Variants in G6PD observed in about 807,000 individuals in gnomAD.
G6PD encodes glucose-6-phosphate 1-dehydrogenase.
In G6PD, 2 loss-of-function variants were observed where a neutral mutation model predicts 38.2. The observed-to-expected ratio is 0.05, with a 90% CI of 0.02 to 0.16. The LOEUF (loss-of-function observed/expected upper bound fraction) is 0.16. G6PD is among the 10% of genes least tolerant of loss of function. The pLI, the probability that G6PD is intolerant of heterozygous loss-of-function variation, is 1.00. For synonymous variants in G6PD, 188 were observed against 196.0 expected (o/e 0.96, Z 0.34); for missense variants, 310 against 471.6 (o/e 0.66, Z 3.17).
At chrX:154,544,308 C>T (rs1261662033) in intron 2 of G6PD, among the ~76,000 whole-genome samples, 8 of 110,544 alleles carry the variant, frequency 7.2e-5, no homozygotes, top group Non-Finnish European at 1.1e-4. Flanking sequence ...ACTACAGGCA[C>T]GCACCACCAC....
At position 154,546,023 on chromosome X, in the gene G6PD, G is replaced by C. The variant is rs782306137; in HGVS notation, c.120+13C>G. ...TTCCTGGCTTTTAAGATTGGGGCCT[G>C]GGAGATACTCACCGATGCACCCATG... On this transcript the variant is annotated intron_variant, in intron 2 of 12. Transcript: ENST00000393562. 8.3e-7 allele frequency: 1 copy of C among 1,207,528 alleles called. No homozygotes were observed. The highest frequency in any genetic ancestry group is 1.1e-6 in the Non-Finnish European group (1 of 894,328).
At position 154,535,218 on chromosome X, in the gene G6PD, G is replaced by A. The variant is rs1451145498; in HGVS notation, c.435C>T (p.Thr145=). The A allele has an allele frequency of 3.5e-5, 42 of 1,210,085 alleles. No individual in the cohort carries two copies. Among genetic ancestry groups the A allele is most frequent in the Non-Finnish European group, 3.7e-5 (33 of 895,190 alleles). The change falls in exon 5 of 13, where the codon ACC becomes ACT. Residue 145 remains threonine (T), a synonymous_variant. Coordinates refer to ENST00000393562, the MANE Select transcript of G6PD (RefSeq NM_001360016.2). ...NRLFYLALPP[T]VYEAVTKNIH... ...TGTTCTTGGTGACGGCCTCGTAGAC[G>A]GTCGGGGGCAAGGCCAGGTAGAAGA...
intron 2 of G6PD, among the ~76,000 whole-genome samples, chrX:154,538,846 G>C (rs1260316268): frequency 9.2e-6 from 1 of 109,135 alleles, no homozygotes; most frequent in Non-Finnish European, 1.9e-5. Context: ...AGAATCGCTT[G>C]AACCAGGAGG....
At chrX:154,546,909 G>T (rs1603415701), upstream of G6PD, 5 of 804,070 alleles carry the variant, frequency 6.2e-6, no homozygotes, top group Non-Finnish European at 8.1e-6. Flanking sequence ...TGGGCTGAGC[G>T]GACCCGCCTC....
chrX:154,534,783 TA>T (rs1441515311), intron 5 of G6PD, among the ~76,000 whole-genome samples: 9 of 111,469 alleles, frequency 8.1e-5, no homozygotes, highest in African/African-American at 2.9e-4. Flanking sequence ...TGAAGGCCTG[TA>T]GGGGAGCAGG....
At chrX:154,534,686 T>A (rs1002298657) in intron 5 of G6PD, among the ~76,000 whole-genome samples, 190 bp from the exon 6 acceptor site, 7 of 110,758 alleles carry the variant, frequency 6.3e-5, no homozygotes, top group Non-Finnish European at 1.1e-4. Flanking sequence ...CTTCCCACCC[T>A]GGGTGCCAGG....
intron 2 of G6PD, among the ~76,000 whole-genome samples, chrX:154,545,378 G>C (rs1335068117): frequency 5.4e-5 from 6 of 111,980 alleles, no homozygotes; most frequent in African/African-American, 1.9e-4. Flanking sequence ...TCAGGCCTCA[G>C]ATCCTGCCTT....
At position 154,536,066 on chromosome X, in the gene G6PD, T is replaced by C. The variant is rs199710043; in HGVS notation, c.159-21A>G. The C allele has an allele frequency of 3.3e-6, 4 of 1,202,551 alleles. No homozygotes were observed. The African/African-American group carries it at 7.0e-5, about 21-fold the overall frequency. The stretch of plus-strand genomic sequence containing the variant: ...GCCACCTGAGGGCAGGGCACAGCTG[T>C]AACCAGTGCGGGCAGGGCAGGACCA... On this transcript the variant is annotated intron_variant, in intron 3 of 12. Transcript: ENST00000393562.
intron 2 of G6PD, among the ~76,000 whole-genome samples, chrX:154,538,759 T>G (rs782356348): frequency 3.6e-5 from 4 of 111,014 alleles, no homozygotes; most frequent in African/African-American, 9.8e-5. Context: ...AAACCCCATT[T>G]CTACTAAAAA....
chrX:154,542,343 C>T (rs782789442), intron 2 of G6PD: 1 of 1,199,696 alleles, frequency 8.3e-7, no homozygotes, highest in African/African-American at 1.8e-5. Flanking sequence ...AGTCTCTTCC[C>T]CTCACTCCCT....
intron 2 of G6PD, chrX:154,542,585 C>A: frequency 1.1e-6 from 1 of 872,527 alleles, no homozygotes; most frequent in Non-Finnish European, 1.5e-6. Context: ...GTGAGGTAAG[C>A]TGGCCAGGGA....
At chrX:154,545,918 C>CGG (rs2070696968) in intron 2 of G6PD, 118 bp downstream of exon 2, 4 of 907,403 alleles carry the variant, frequency 4.4e-6, no homozygotes, top group Non-Finnish European at 6.3e-6. Flanking sequence ...CTAGCAGGAG[C>CGG]GGGAGGAGGA....
At chrX:154,540,310 A>C (rs2070469423) in intron 2 of G6PD, among the ~76,000 whole-genome samples, 2 of 109,977 alleles carry the variant, frequency 1.8e-5, no homozygotes, top group Non-Finnish European at 1.9e-5. Context: ...TTCTACTAAA[A>C]TACAAAAAAT....
At chrX:154,542,494 G>A in intron 2 of G6PD, 1 of 1,142,594 alleles carries the variant, frequency 8.8e-7, no homozygotes, top group Non-Finnish European at 1.2e-6. Flanking sequence ...TGGGAGTCCT[G>A]AGAAGGCAGG....
Position 154,531,669 on chromosome X carries a change from C to A in G6PD, c.*331G>T. The A allele has an allele frequency of 3.5e-6, 1 of 288,560 alleles. No individual in the cohort carries two copies. 23.8% of individuals were successfully genotyped at this position (288,560 alleles called of 1,213,427 possible). A position where few individuals can be genotyped will look rare whatever the true frequency, so the allele number is the denominator to read the frequency against. ...GTCCCTCCCTCCCACCCTGGCCCCA[C>A]TCAGGAGTGAGACCCAGTGGCCAAT... On this transcript the variant is annotated 3_prime_UTR_variant, in exon 13 of 13. Transcript: ENST00000393562.
At chrX:154,535,735 G>A in intron 4 of G6PD, 1 of 472,733 alleles carries the variant, frequency 2.1e-6, no homozygotes, top group Non-Finnish European at 3.8e-6. Flanking sequence ...AAACGCAGCA[G>A]AGCACAGCAG....
At chrX:154,536,694 G>T (rs1207885241) in intron 2 of G6PD, among the ~76,000 whole-genome samples, 2 of 111,131 alleles carry the variant, frequency 1.8e-5, no homozygotes, top group Non-Finnish European at 3.8e-5. Context: ...GCCAGGTGTG[G>T]TGGCAGGCAC....
chrX:154,546,899 TG>T, upstream of G6PD: 1 of 884,089 alleles, frequency 1.1e-6, no homozygotes, highest in Non-Finnish European at 1.5e-6. Context: ...GGCGGGCGCC[TG>T]GGCTGAGCGG....
At chrX:154,547,450 C>G (rs1201299940), upstream of G6PD, 1 of 754,290 alleles carries the variant, frequency 1.3e-6, no homozygotes, top group East Asian at 1.5e-4. Flanking sequence ...GCAAAGTGGC[C>G]GGCGTGCTTA....
Sources: allele counts gnomAD v4.1 joint callset (sites outside exome capture counted in the v4.1 genomes callset), GRCh38; gene constraint gnomAD v4.1.1; transcripts MANE v1.5; gene names NCBI Gene and HGNC (gene_info 2026-07-23, HGNC 2026-07-21).